Variants in PSMC2 observed in about 807,000 individuals in gnomAD.
PSMC2 encodes the protein 26S proteasome regulatory subunit 7.
Under a neutral mutation model 53.3 loss-of-function variants are expected in PSMC2, and 7 were observed. The ratio of observed to expected loss-of-function variants is 0.13; its 90% CI spans 0.07 to 0.25. The LOEUF is 0.25. PSMC2 is among the 10% of genes least tolerant of loss of function. The pLI, the probability that PSMC2 is intolerant of heterozygous loss-of-function variation, is 1.00. For synonymous variants in PSMC2, 169 were observed against 183.9 expected (o/e 0.92, Z 0.66); for missense variants, 241 against 544.0 (o/e 0.44, Z 5.54).
chr7:103,364,549 A>G (rs1820589860), intron 8 of PSMC2, among the ~76,000 whole-genome samples: 1 of 152,116 alleles, frequency 6.6e-6, no homozygotes, highest in Non-Finnish European at 1.5e-5. Flanking sequence ...AGCTGAGACC[A>G]TGGCTACATG....
At chr7:103,361,510 C>CAAAAAAAAA (rs759044767) in intron 4 of PSMC2, among the ~76,000 whole-genome samples, 24 of 51,060 alleles carry the variant, frequency 4.7e-4, no homozygotes, top group African/African-American at 1.1e-3. Context: ...AACTCCATCT[C>CAAAAAAAAA]AAAAAAAAAA....
chr7:103,365,819 C>A (rs1301056438), intron 8 of PSMC2, among the ~76,000 whole-genome samples: 1 of 151,364 alleles, frequency 6.6e-6, no homozygotes. Context: ...TCCCAGCTAC[C>A]CGGGAGGCTG....
Position 103,355,608 on chromosome 7 carries a change from A to C in PSMC2, c.191-86A>C, listed in dbSNP as rs143876338. On this transcript the variant is annotated intron_variant, in intron 3 of 11. Coordinates refer to ENST00000292644, the MANE Select transcript of PSMC2 (RefSeq NM_002803.4). The stretch of plus-strand genomic sequence containing the variant: ...TCCTCACAATGAATGATTCAGTGCA[A>C]AATATCAGTAGTGCTGAGGTTTAGA... 1.2e-4 allele frequency: 116 copies of C among 999,822 alleles called. No individual in the cohort carries two copies. The African/African-American group carries it at 1.7e-3, about 15-fold the overall frequency. The allele number at this position is 999,822 out of a possible 1,614,324, so 61.9% of individuals were successfully genotyped here. A position where few individuals can be genotyped will look rare whatever the true frequency, so the allele number is the denominator to read the frequency against.
At position 103,347,670 on chromosome 7, in the gene PSMC2, C is replaced by A. The variant is rs775573075; in HGVS notation, c.-42C>A. On this transcript the variant is annotated 5_prime_UTR_variant, in exon 1 of 12. In the 5' UTR this introduces an upstream ATG that the reference lacks. Coordinates refer to ENST00000292644, the MANE Select transcript of PSMC2 (RefSeq NM_002803.4). ...GACACCACCGGAAGCAAGGAAGGTG[C>A]TGTGTAATCATTAAGGAGCGGAGGC... is the stretch of plus-strand genomic sequence containing the variant. The A allele has an allele frequency of 5.0e-6, 8 of 1,608,212 alleles. No homozygotes were observed. Among genetic ancestry groups the A allele is most frequent in the Non-Finnish European group, 6.8e-6 (8 of 1,174,904 alleles).
rs778150181 is a variant in PSMC2, at chr7:103,364,134, C to G, written c.592-9C>G. On this transcript the variant is annotated splice_polypyrimidine_tract_variant and intron_variant, in intron 7 of 11. Coordinates refer to ENST00000292644, the MANE Select transcript of PSMC2 (RefSeq NM_002803.4). ...AGTGGTAAGTGTGAAAATTGTGTCT[C>G]TATCACAGCCAGAGAGGTTTGTGAA... 4 of 1,611,700 alleles carry G rather than the reference C, an allele frequency of 2.5e-6. No homozygotes were observed. The highest frequency in any genetic ancestry group is 3.4e-6 in the Non-Finnish European group (4 of 1,179,202).
intron 5 of PSMC2, 168 bp from the exon 6 acceptor site, chr7:103,362,518 A>G (rs1219035085): frequency 2.2e-5 from 31 of 1,407,904 alleles, no homozygotes; most frequent in Non-Finnish European, 2.8e-5. Flanking sequence ...TTAGACATGT[A>G]GTTTAGTATC....
At chr7:103,351,894 G>A (rs140258625) in intron 1 of PSMC2, among the ~76,000 whole-genome samples, 1 of 151,772 alleles carries the variant, frequency 6.6e-6, no homozygotes, top group Non-Finnish European at 1.5e-5. Context: ...TTCCTCTGAG[G>A]GTTTTTTTTT....
At chr7:103,365,981 A>C in intron 8 of PSMC2, 95 bp from the exon 9 acceptor site, 1 of 967,280 alleles carries the variant, frequency 1.0e-6, no homozygotes, top group Non-Finnish European at 1.6e-6. Context: ...GAATACTGTT[A>C]GGAATAAATA....
intron 7 of PSMC2, among the ~76,000 whole-genome samples, chr7:103,363,837 T>A (rs1015865004): frequency 6.6e-6 from 1 of 152,154 alleles, no homozygotes; most frequent in African/African-American, 2.4e-5. Context: ...ATAATTTTGT[T>A]CCTTAAACAC....
intron 4 of PSMC2, among the ~76,000 whole-genome samples, chr7:103,356,077 C>T (rs1350527987): frequency 6.6e-6 from 1 of 151,970 alleles, no homozygotes; most frequent in East Asian, 1.9e-4. Context: ...TTTCCTCAAA[C>T]GTAACTACTG....
At chr7:103,354,076 A>G in intron 2 of PSMC2, 118 bp downstream of exon 2, 8 of 751,342 alleles carry the variant, frequency 1.1e-5, no homozygotes, top group Non-Finnish European at 1.7e-5. Flanking sequence ...AAAAAACCAA[A>G]CAAAAAATAA....
intron 1 of PSMC2, among the ~76,000 whole-genome samples, chr7:103,350,189 A>G (rs562188887): frequency 6.6e-6 from 1 of 152,244 alleles, no homozygotes; most frequent in African/African-American, 2.4e-5. Flanking sequence ...AGTTGAGAAA[A>G]TCTTCCTGCT....
At chr7:103,364,577 T>C (rs552271210) in intron 8 of PSMC2, among the ~76,000 whole-genome samples, 1 of 152,038 alleles carries the variant, frequency 6.6e-6, no homozygotes, top group Non-Finnish European at 1.5e-5. Context: ...ACCCAGCTAA[T>C]TTTTCTATTT....
At chr7:103,364,073 G>C in intron 7 of PSMC2, 70 bp from the exon 8 acceptor site, 1 of 1,443,020 alleles carries the variant, frequency 6.9e-7, no homozygotes, top group Non-Finnish European at 9.4e-7. Flanking sequence ...AAAGCACTTT[G>C]TTGATTTAGA....
intron 4 of PSMC2, among the ~76,000 whole-genome samples, chr7:103,358,087 G>T (rs1156465639): frequency 6.6e-6 from 1 of 152,144 alleles, no homozygotes; most frequent in African/African-American, 2.4e-5. Flanking sequence ...TTGGAAAAGG[G>T]TCAGTTGGGA....
At chr7:103,361,134 AAAAC>A (rs1441951072) in intron 4 of PSMC2, among the ~76,000 whole-genome samples, 4 of 149,024 alleles carry the variant, frequency 2.7e-5, no homozygotes, top group African/African-American at 9.9e-5. Flanking sequence ...AAAAGAAAAA[AAAAC>A]AAGCTTCTAC....
chr7:103,353,789 C>A (rs71572234), intron 1 of PSMC2, 132 bp from the exon 2 acceptor site: 30,229 of 754,314 alleles, frequency 0.04, 744 homozygotes, highest in Non-Finnish European at 0.053. Flanking sequence ...TATGTATCAT[C>A]ATAATCTTGC....
At chr7:103,362,534 A>G in intron 5 of PSMC2, 152 bp from the exon 6 acceptor site, 14 of 1,404,450 alleles carry the variant, frequency 1.0e-5, no homozygotes, top group Non-Finnish European at 1.3e-5. Context: ...GTATCCTCAG[A>G]TTTCATGCTC....
At position 103,362,681 on chromosome 7, in the gene PSMC2, CT is replaced by C; in HGVS notation, c.423-3del. 1 of 1,598,128 alleles carries C rather than the reference CT, an allele frequency of 6.3e-7. No individual in the cohort carries two copies. Reference sequence around the variant, plus strand: ...TATTAATGACTATCTTTTTTACTTCCTTAGCGTGGATAGAAATAAATATCAA... The same window carrying C: ...TATTAATGACTATCTTTTTTACTTCCTAGCGTGGATAGAAATAAATATCAA... On this transcript the variant is annotated splice_polypyrimidine_tract_variant and splice_region_variant and intron_variant, in intron 5 of 11. Transcript: ENST00000292644.
Sources: allele counts gnomAD v4.1 joint callset (sites outside exome capture counted in the v4.1 genomes callset), GRCh38; gene constraint gnomAD v4.1.1; transcripts MANE v1.5; gene names NCBI Gene and HGNC (gene_info 2026-07-23, HGNC 2026-07-21).